HTR3B: variants seen among roughly 807,000 people sequenced by gnomAD.
HTR3B encodes the protein 5-hydroxytryptamine (serotonin) receptor 3B, ionotropic.
HTR3B carries 44 observed loss-of-function variants against 42.8 expected under a neutral mutation model. The observed-to-expected ratio is 1.03, with a 90% CI of 0.81 to 1.32. The LOEUF (loss-of-function observed/expected upper bound fraction) is 1.32, where lower values mean the gene tolerates loss of function less well. Ranked by LOEUF, HTR3B falls within the 40% of genes most tolerant of loss-of-function variation. The probability of loss-of-function intolerance (pLI) is 0.00; values close to 1 mark genes in which losing one functional copy is unlikely to be tolerated. For missense variants in HTR3B, 527 were observed against 536.5 expected (o/e 0.98, Z 0.17); for synonymous variants, 203 against 209.0 (o/e 0.97, Z 0.25).
At chr11:113,933,413 GA>G (rs1950057653) in intron 6 of HTR3B, among the ~76,000 whole-genome samples, 6 of 151,750 alleles carry the variant, frequency 4.0e-5, no homozygotes, top group Admixed American at 3.9e-4. Flanking sequence ...TTGCTACTCA[GA>G]AAAAACACAG....
rs569567849 is a variant in HTR3B at position 113,948,493 on chromosome 11, T to C, written c.*2356T>C. On this transcript the variant is annotated 3_prime_UTR_variant, in exon 9 of 9. Coordinates refer to ENST00000260191, the MANE Select transcript of HTR3B (RefSeq NM_006028.5). The stretch of plus-strand genomic sequence containing the variant: ...GACTTCAACTTACCTTATTTGAAAT[T>C]GGGGCTGTTTATATTTGCTCTACCC... Among the ~76,000 whole-genome samples the C allele has an allele frequency of 3.8e-4, 58 of 152,370 alleles. No homozygotes were observed. The highest frequency in any genetic ancestry group is 1.3e-3 in the African/African-American group (55 of 41,604).
At chr11:113,921,627 A>G (rs1949915646) in intron 2 of HTR3B, among the ~76,000 whole-genome samples, 1 of 152,136 alleles carries the variant, frequency 6.6e-6, no homozygotes, top group Non-Finnish European at 1.5e-5. Context: ...CAAAAAAAAA[A>G]AAAAAATTGC....
chr11:113,947,737 GTAC>G lies in HTR3B; in HGVS notation c.*1603_*1605del, dbSNP rs1480731369. On this transcript the variant is annotated 3_prime_UTR_variant, in exon 9 of 9. Coordinates refer to ENST00000260191, the MANE Select transcript of HTR3B (RefSeq NM_006028.5). ...CTATGTTCAAACAGTCATATTCTGA[GTAC>G]TAGGGGTTAGGATGTCAACATATGA... Among the ~76,000 whole-genome samples, 1 of 152,134 alleles carries G rather than the reference GTAC, an allele frequency of 6.6e-6. No homozygotes were observed. The highest frequency in any genetic ancestry group is 1.5e-5 in the Non-Finnish European group (1 of 68,032).
chr11:113,946,023 G>A lies in HTR3B; in HGVS notation c.1212G>A (p.Glu404=), dbSNP rs1950174557. 1 of 1,614,096 alleles carries A rather than the reference G, an allele frequency of 6.2e-7. No homozygotes were observed. Among genetic ancestry groups the A allele is most frequent in the Non-Finnish European group, 8.5e-7 (1 of 1,179,982 alleles). The change falls in exon 9 of 9, where the codon GAG becomes GAA. Residue 404 remains glutamate (E), a synonymous_variant. Coordinates refer to ENST00000260191, the MANE Select transcript of HTR3B (RefSeq NM_006028.5). ...TQDQTDQQEA[E]WLVLLSRFDR... The stretch of plus-strand genomic sequence containing the variant: ...ACCAGACAGACCAACAGGAGGCAGA[G>A]TGGCTGGTCCTCCTGTCCCGCTTTG...
At position 113,943,007 on chromosome 11, in the gene HTR3B, T is replaced by C. The variant is rs1950148296; in HGVS notation, c.722T>C (p.Val241Ala). 1.9e-6 allele frequency: 3 copies of C among 1,613,926 alleles called. No individual in the cohort carries two copies. The African/African-American group carries it at 4.0e-5, about 22-fold the overall frequency. ...GTGGTGATGCGCAGGCACCCCCTGG[T>C]CTATGTCGTGAGTCTGCTGATTCCT... ...FNVVMRRHPL[V>A]YVVSLLIPSI... is the part of the protein sequence containing the mutation. Residue 241 changes from valine to alanine, a missense_variant, in exon 7 of 9, where the codon GTC becomes GCC. Transcript: ENST00000260191.
intron 2 of HTR3B, among the ~76,000 whole-genome samples, chr11:113,911,720 G>T (rs923110461): frequency 6.6e-6 from 1 of 152,020 alleles, no homozygotes; most frequent in Non-Finnish European, 1.5e-5. Context: ...TAGAGATGGG[G>T]TTCCACCATG....
At chr11:113,941,150 A>G (rs1051118939) in intron 6 of HTR3B, among the ~76,000 whole-genome samples, 1 of 152,376 alleles carries the variant, frequency 6.6e-6, no homozygotes, top group Middle Eastern at 3.4e-3. Flanking sequence ...TGAGCCGTTC[A>G]TTGTTTGGTG....
At chr11:113,899,059 C>T in the HTR3B span, among the ~76,000 whole-genome samples, 1 of 152,042 alleles carries the variant, frequency 6.6e-6, no homozygotes, top group Non-Finnish European at 1.5e-5. Flanking sequence ...ATCTAGCAAG[C>T]GATGAAGCTA....
At chr11:113,909,511 A>G (rs140193755) in intron 2 of HTR3B, 56 bp downstream of exon 2, 124 of 1,440,878 alleles carry the variant, frequency 8.6e-5, no homozygotes, top group Admixed American at 2.1e-4. Flanking sequence ...AACAGTCTGC[A>G]GTTCATGCAG....
chr11:113,937,959 G>C (rs1430904134), intron 6 of HTR3B, among the ~76,000 whole-genome samples: 2 of 152,158 alleles, frequency 1.3e-5, no homozygotes, highest in African/African-American at 4.8e-5. Context: ...GGGAGAATCT[G>C]CTCCTTGCCT....
intron 2 of HTR3B, among the ~76,000 whole-genome samples, chr11:113,912,174 G>C (rs1949801011): frequency 6.6e-6 from 1 of 152,150 alleles, no homozygotes; most frequent in Admixed American, 6.6e-5. Context: ...CCAATTTTAG[G>C]ATAGTATGAA....
chr11:113,901,457 A>T (rs377332673), upstream of HTR3B, among the ~76,000 whole-genome samples: 14,131 of 152,020 alleles, frequency 0.093, 831 homozygotes, highest in Middle Eastern at 0.18. Flanking sequence ...AAAAAAAAAA[A>T]AAAAGCTAAA....
chr11:113,935,487 T>A (rs1298391331), intron 6 of HTR3B, among the ~76,000 whole-genome samples: 1 of 128,136 alleles, frequency 7.8e-6, no homozygotes, highest in Non-Finnish European at 1.8e-5. Context: ...GAGGCCAGAC[T>A]CAGGAGCAAT....
intron 6 of HTR3B, among the ~76,000 whole-genome samples, chr11:113,933,531 C>T (rs1950059088): frequency 6.6e-6 from 1 of 152,048 alleles, no homozygotes; most frequent in East Asian, 1.9e-4. Context: ...GATGCAGATG[C>T]ATAATACGAT....
At chr11:113,926,331 A>C (rs578220554) in intron 2 of HTR3B, among the ~76,000 whole-genome samples, 37 of 152,194 alleles carry the variant, frequency 2.4e-4, no homozygotes, top group African/African-American at 8.2e-4. Flanking sequence ...GAATATTTTT[A>C]TACAGGTTTT....
upstream of HTR3B, among the ~76,000 whole-genome samples, chr11:113,903,936 G>A (rs1034878928): frequency 6.6e-6 from 1 of 152,000 alleles, no homozygotes; most frequent in African/African-American, 2.4e-5. Context: ...TCTAAACAAA[G>A]GGACTGAGTG....
chr11:113,912,058 G>C (rs181900533), intron 2 of HTR3B, among the ~76,000 whole-genome samples: 1 of 152,046 alleles, frequency 6.6e-6, no homozygotes, highest in African/African-American at 2.4e-5. Context: ...CTTATGTTGC[G>C]GTGTGTATCA....
At position 113,947,467 on chromosome 11, in the gene HTR3B, T is replaced by A. The variant is rs1193747418; in HGVS notation, c.*1330T>A. Among the ~76,000 whole-genome samples, 1 of 152,190 alleles carries A rather than the reference T, an allele frequency of 6.6e-6. No individual in the cohort carries two copies. Among genetic ancestry groups the A allele is most frequent in the African/African-American group, 2.4e-5 (1 of 41,442 alleles). The stretch of plus-strand genomic sequence containing the variant: ...CACACTAAGTTGCTTTAAGAGAGAT[T>A]TATTTTCTCACCAGTCTGGAAGCTA... On this transcript the variant is annotated 3_prime_UTR_variant, in exon 9 of 9. Coordinates refer to ENST00000260191, the MANE Select transcript of HTR3B (RefSeq NM_006028.5).
chr11:113,933,019 G>T lies in HTR3B; in HGVS notation c.622G>T (p.Glu208Ter), dbSNP rs1950052784. Residue 208 changes from glutamate (E) to a stop codon, truncating the protein, a stop_gained, in exon 6 of 9, where the codon GAA (glutamate) becomes TAA (stop). Transcript: ENST00000260191. LOFTEE classifies it high-confidence loss of function. The part of the protein sequence containing the change: ...KKAFLNDSEW[E>*]LLSVSSTYSI... ...GGCGTTTTTGAATGACAGTGAGTGG[G>T]AACTTCTATCTGTGTCCTCCACATA... 6.2e-7 allele frequency: 1 copy of T among 1,614,098 alleles called. No homozygotes were observed. Among genetic ancestry groups the T allele is most frequent in the Non-Finnish European group, 8.5e-7 (1 of 1,179,978 alleles).
Sources: allele counts gnomAD v4.1 joint callset (sites outside exome capture counted in the v4.1 genomes callset), GRCh38; gene constraint gnomAD v4.1.1; transcripts MANE v1.5; gene names NCBI Gene and HGNC (gene_info 2026-07-23, HGNC 2026-07-21).